Variants in SYNJ2 observed in about 807,000 individuals in gnomAD.
SYNJ2 encodes the protein polyphosphatidylinositol phosphatase SYNJ2.
SYNJ2 carries 116 observed loss-of-function variants against 141.3 expected under a neutral mutation model. That is an observed-to-expected ratio of 0.82 (90% CI 0.71 to 0.96). The LOEUF is 0.96. Among genes scored for constraint, SYNJ2 ranks in the 40% least tolerant of loss-of-function variants. The pLI is 0.00. For synonymous variants in SYNJ2, 745 were observed against 777.7 expected (o/e 0.96, Z 0.70); for missense variants, 1,873 against 1,934.8 (o/e 0.97, Z 0.60).
At chr6:158,044,029 C>T (rs1780100098) in intron 5 of SYNJ2, among the ~76,000 whole-genome samples, 1 of 152,220 alleles carries the variant, frequency 6.6e-6, no homozygotes, top group African/African-American at 2.4e-5. Context: ...GGGTCTCTAA[C>T]AAGGTGGGTT....
intron 9 of SYNJ2, 68 bp downstream of exon 9, chr6:158,063,940 G>A: frequency 6.5e-7 from 1 of 1,541,420 alleles, no homozygotes; most frequent in Admixed American, 1.7e-5. Context: ...GACAGGCTGG[G>A]CTGAGCACCT....
In SYNJ2 at chr6:158,071,555, A is replaced by C. The variant is rs370323175; in HGVS notation, c.1941-47A>C. ...CTTCTCTGTGGCAAAGCAGGGTCAC[A>C]CTTCTCCTTCAGGAGCCGACGGCAT... On this transcript the variant is annotated intron_variant, in intron 14 of 26. Transcript: ENST00000355585. The surrounding 1 kb of genome is among the most constrained non-coding windows in gnomAD (Gnocchi z 4.3). The C allele has an allele frequency of 1.3e-6, 2 of 1,581,930 alleles. No homozygotes were observed. The highest frequency in any genetic ancestry group is 1.7e-5 in the Admixed American group (1 of 57,266).
chr6:158,092,989 A>G lies in SYNJ2; in HGVS notation c.3629A>G (p.Glu1210Gly). The G allele has an allele frequency of 6.2e-7, 1 of 1,613,102 alleles. No homozygotes were observed. Among genetic ancestry groups the G allele is most frequent in the South Asian group, 1.1e-5 (1 of 91,006 alleles). Residue 1210 changes from glutamate to glycine, a missense_variant, in exon 26 of 27, where the codon GAG becomes GGG. By Grantham distance (98) the Glu-to-Gly change is moderately conservative (BLOSUM62 -2). Coordinates refer to ENST00000355585, the MANE Select transcript of SYNJ2 (RefSeq NM_003898.4). ...GACCTTGAAGCATCCTCTGAACCAG[A>G]GCCCACACCGGGGGCAGCCAAACCA... ...PRDLEASSEP[E>G]PTPGAAKPET...
chr6:158,017,113 G>T, intron 1 of SYNJ2, 91 bp from the exon 2 acceptor site: 1 of 1,520,370 alleles, frequency 6.6e-7, no homozygotes, highest in Non-Finnish European at 8.8e-7. Flanking sequence ...TTTGGAGTGG[G>T]TGGGAAGCCA....
At chr6:158,050,006 ATGGACACAGCTCTGCAGGTG>A (rs564192427) in intron 5 of SYNJ2, among the ~76,000 whole-genome samples, 86 of 150,856 alleles carry the variant, frequency 5.7e-4, no homozygotes, top group African/African-American at 2.1e-3. Flanking sequence ...CTCTGCAGGT[ATGGACACAGCTCTGCAGGTG>A]TGGACAGGGC....
intron 1 of SYNJ2, among the ~76,000 whole-genome samples, chr6:157,983,486 A>G (rs1380741923): frequency 6.6e-6 from 1 of 152,270 alleles, no homozygotes; most frequent in Non-Finnish European, 1.5e-5. Flanking sequence ...TTCATGGTAC[A>G]AAACTACTGT....
intron 1 of SYNJ2, among the ~76,000 whole-genome samples, chr6:158,010,215 T>G (rs1167501912): frequency 2.0e-5 from 3 of 152,264 alleles, no homozygotes; most frequent in African/African-American, 7.2e-5. Context: ...CCACCATGCC[T>G]GGCTAGCTTC....
chr6:158,048,182 T>G (rs1245452417), intron 5 of SYNJ2, among the ~76,000 whole-genome samples: 1 of 152,044 alleles, frequency 6.6e-6, no homozygotes, highest in Non-Finnish European at 1.5e-5. Context: ...GGCAGTGTTG[T>G]GTGGACAGAG....
At chr6:158,094,349 T>G (rs1783663751) in intron 26 of SYNJ2, among the ~76,000 whole-genome samples, 1 of 134,328 alleles carries the variant, frequency 7.4e-6, no homozygotes, top group Admixed American at 8.7e-5. Context: ...ATGGTCTCGC[T>G]GACCTTGAAC....
rs555241448 is a variant in SYNJ2 at position 158,069,781 on chromosome 6, G to A, written c.1940+108G>A. 2.6e-5 allele frequency: 34 copies of A among 1,323,140 alleles called. No individual in the cohort carries two copies. The East Asian group carries it at 5.1e-4, about 20-fold the overall frequency. 82.0% of individuals were successfully genotyped at this position (1,323,140 alleles called of 1,614,324 possible). On this transcript the variant is annotated intron_variant, in intron 14 of 26. Coordinates refer to ENST00000355585, the MANE Select transcript of SYNJ2 (RefSeq NM_003898.4). ...CCCATCCCCTTCTGTAACAGGAATCGGGACTTACCATTATTTTAGATAAAT... is the reference window on the plus strand; with the variant it reads ...CCCATCCCCTTCTGTAACAGGAATCAGGACTTACCATTATTTTAGATAAAT...
At chr6:158,078,699 C>T (rs1435319105) in intron 18 of SYNJ2, 1 of 153,280 alleles carries the variant, frequency 6.5e-6, no homozygotes, top group Non-Finnish European at 1.4e-5. Context: ...ATGGAACTTA[C>T]AACTTATCCA....
chr6:158,005,108 T>C lies in SYNJ2; in HGVS notation c.128-12096T>C, dbSNP rs534117500. Among the ~76,000 whole-genome samples the C allele has an allele frequency of 1.3e-4, 20 of 150,136 alleles. No homozygotes were observed. In the South Asian group the frequency reaches 1.9e-3, roughly 14 times the overall value. Reference sequence around the variant, plus strand: ...TTTTTTTTTTTTTTTGAGACAGTCTTGCTCTGTCGCCCAGGCTGGAGTGCA... The same window carrying C: ...TTTTTTTTTTTTTTTGAGACAGTCTCGCTCTGTCGCCCAGGCTGGAGTGCA... On this transcript the variant is annotated intron_variant, in intron 1 of 26. Coordinates refer to ENST00000355585, the MANE Select transcript of SYNJ2 (RefSeq NM_003898.4).
At chr6:158,067,944 C>A (rs1781665680) in intron 12 of SYNJ2, 3 of 985,266 alleles carry the variant, frequency 3.0e-6, no homozygotes, top group Non-Finnish European at 3.6e-6. Flanking sequence ...GAAAGTGACT[C>A]CTCTTCTTTT....
At chr6:157,986,597 G>T (rs1231965276) in intron 1 of SYNJ2, among the ~76,000 whole-genome samples, 2 of 152,184 alleles carry the variant, frequency 1.3e-5, no homozygotes. Flanking sequence ...GCCTCTCAAA[G>T]TGCTGGGGTT....
intron 1 of SYNJ2, among the ~76,000 whole-genome samples, chr6:158,011,083 G>C (rs1391100225): frequency 6.6e-6 from 1 of 151,922 alleles, no homozygotes; most frequent in Non-Finnish European, 1.5e-5. Flanking sequence ...GTGAGGAGAG[G>C]ATGGCCACAT....
At chr6:158,016,826 G>A (rs959799957) in intron 1 of SYNJ2, among the ~76,000 whole-genome samples, 1 of 152,154 alleles carries the variant, frequency 6.6e-6, no homozygotes, top group Non-Finnish European at 1.5e-5. Context: ...AGGTGCCTTG[G>A]AGTGAGTGGG....
At chr6:158,029,896 C>T (rs992459738) in intron 3 of SYNJ2, among the ~76,000 whole-genome samples, 2 of 152,144 alleles carry the variant, frequency 1.3e-5, no homozygotes, top group Non-Finnish European at 2.9e-5. Flanking sequence ...GGAATTTTGC[C>T]AAACTCCACA....
Position 158,084,043 on chromosome 6 carries a change from T to G in SYNJ2, c.3077T>G (p.Phe1026Cys). ...GATGAAGACTACTTGGTGGATGAAT[T>G]CAATCAGCCTGGAGTCTCGGACAGT... ...EDDEDYLVDE[F>C]NQPGVSDSEL... The change falls in exon 22 of 27, where the codon TTC becomes TGC. Residue 1026 changes from phenylalanine (F) to cysteine (C), a missense_variant. Phe to Cys is a radical substitution (Grantham distance 205). Transcript: ENST00000355585. The surrounding 1 kb of genome is among the most constrained non-coding windows in gnomAD (Gnocchi z 5.0). 1 of 1,614,092 alleles carries G rather than the reference T, an allele frequency of 6.2e-7. No individual in the cohort carries two copies. Among genetic ancestry groups the G allele is most frequent in the Non-Finnish European group, 8.5e-7 (1 of 1,180,012 alleles).
chr6:157,996,814 C>T (rs1777648652), intron 1 of SYNJ2, among the ~76,000 whole-genome samples: 1 of 152,236 alleles, frequency 6.6e-6, no homozygotes, highest in Non-Finnish European at 1.5e-5. Context: ...CCTATTCCCA[C>T]TTTGCCTTCC....
Sources: gnomAD v4.1 joint callset for allele counts (sites outside exome capture counted in the v4.1 genomes callset) on GRCh38, gnomAD v4.1.1 for gene constraint, Gnocchi (gnomAD v3.1) non-coding constraint, MANE v1.5 for transcripts, NCBI Gene and HGNC (gene_info 2026-07-23, HGNC 2026-07-21) for gene names.